The following DMD variants were observed in gnomAD, a reference collection of about 807,000 sequenced individuals.
The protein encoded by DMD is mutant dystrophin.
DMD carries 63 observed loss-of-function variants against 330.1 expected under a neutral mutation model. The ratio of observed to expected loss-of-function variants is 0.19; its 90% CI spans 0.16 to 0.24. The LOEUF (loss-of-function observed/expected upper bound fraction) is 0.24. DMD is among the 10% of genes least tolerant of loss of function. DMD has a pLI of 1.00. For synonymous variants in DMD, 1,223 were observed against 959.8 expected (o/e 1.27, Z -5.07); for missense variants, 3,344 against 2,684.1 (o/e 1.25, Z -5.43).
chrX:32,480,828 G>T (rs939894115), intron 21 of DMD, among the ~76,000 whole-genome samples: 54 of 110,464 alleles, frequency 4.9e-4, no homozygotes, highest in African/African-American at 1.7e-3. Flanking sequence ...GCTCTTGATG[G>T]TATTGATAAA....
chrX:31,445,164 A>G (rs2065190504), intron 59 of DMD, among the ~76,000 whole-genome samples: 2 of 112,190 alleles, frequency 1.8e-5, no homozygotes, highest in South Asian at 7.5e-4. Flanking sequence ...GATAACTACT[A>G]TTTGTTGAGC....
At chrX:32,857,527 T>C (rs1417812842) in intron 2 of DMD, among the ~76,000 whole-genome samples, 3 of 112,074 alleles carry the variant, frequency 2.7e-5, no homozygotes, top group African/African-American at 9.7e-5. Flanking sequence ...ACTTTTAAAC[T>C]CATCAAAAAA....
chrX:32,816,312 T>G (rs911393690), intron 6 of DMD, among the ~76,000 whole-genome samples, 156 bp downstream of exon 6: 3 of 112,303 alleles, frequency 2.7e-5, no homozygotes, highest in Non-Finnish European at 5.6e-5. Context: ...ATATTCTTAA[T>G]TAGTTCATTC....
chrX:32,377,599 G>A (rs2147425163), intron 34 of DMD, among the ~76,000 whole-genome samples: 1 of 111,656 alleles, frequency 9.0e-6, no homozygotes, highest in East Asian at 2.8e-4. Flanking sequence ...GTATAGAAAT[G>A]TGTTCTCAGT....
chrX:32,734,613 C>T (rs1461961392), intron 7 of DMD, among the ~76,000 whole-genome samples: 6 of 105,328 alleles, frequency 5.7e-5, no homozygotes, highest in African/African-American at 1.4e-4. Flanking sequence ...GTTCAATATA[C>T]ACAAATCAAT....
At chrX:32,981,150 A>G (rs1188219712) in intron 2 of DMD, among the ~76,000 whole-genome samples, 1 of 111,962 alleles carries the variant, frequency 8.9e-6, no homozygotes, top group African/African-American at 3.2e-5. Flanking sequence ...ACAAGCAAGG[A>G]GGGTCCAAAG....
intron 2 of DMD, among the ~76,000 whole-genome samples, chrX:32,904,958 A>G (rs961656142): frequency 3.6e-5 from 4 of 112,182 alleles, no homozygotes; most frequent in African/African-American, 1.3e-4. Context: ...AGAAAAATAA[A>G]AGAAAGAGAC....
In DMD at chrX:32,119,014, G is replaced by A. The variant is rs759523105; in HGVS notation, c.6438+97902C>T. 9.9e-5 allele frequency among the ~76,000 whole-genome samples: 11 copies of A among 111,155 alleles called. No homozygotes were observed. The South Asian group carries it at 1.1e-3, about 12-fold the overall frequency. ...AGCTCACCTCCTGATGTGGGGCCCC[G>A]GTTCCTAACAGGTCACTGACCTGTA... is the stretch of plus-strand genomic sequence containing the variant. On this transcript the variant is annotated intron_variant, in intron 44 of 78. Coordinates refer to ENST00000357033, the MANE Select transcript of DMD (RefSeq NM_004006.3).
At chrX:33,226,382 C>T (rs888294390) in intron 1 of DMD, among the ~76,000 whole-genome samples, 2 of 111,776 alleles carry the variant, frequency 1.8e-5, no homozygotes, top group Non-Finnish European at 3.8e-5. Context: ...TACTACTCAG[C>T]AGTACAAAGG....
intron 56 of DMD, among the ~76,000 whole-genome samples, chrX:31,500,593 T>C (rs2070335158): frequency 8.9e-6 from 1 of 112,301 alleles, no homozygotes; most frequent in African/African-American, 3.2e-5. Context: ...TTTTCATGAG[T>C]GTATATACCA....
intron 7 of DMD, among the ~76,000 whole-genome samples, chrX:32,777,282 G>GGGGGGGGGGGGGGGGGGA (rs1368782701): frequency 1.8e-5 from 1 of 54,134 alleles, no homozygotes; most frequent in African/African-American, 6.4e-5. Context: ...CTGGTTGGGG[G>GGGGGGGGGGGGGGGGGGA]GGGAATCCTA....
intron 16 of DMD, among the ~76,000 whole-genome samples, chrX:32,554,230 C>A (rs1297414309): frequency 6.3e-5 from 7 of 111,397 alleles, no homozygotes; most frequent in African/African-American, 2.3e-4. Flanking sequence ...AACTAGCAAA[C>A]CAAGAGCAAA....
At chrX:31,722,583 G>A (rs769465576) in intron 52 of DMD, among the ~76,000 whole-genome samples, 1 of 111,335 alleles carries the variant, frequency 9.0e-6, no homozygotes, top group South Asian at 3.8e-4. Context: ...CTGGTATACT[G>A]AGGGCTGCAT....
At chrX:32,180,188 G>T (rs1045948842) in intron 44 of DMD, among the ~76,000 whole-genome samples, 5 of 111,872 alleles carry the variant, frequency 4.5e-5, no homozygotes, top group African/African-American at 9.8e-5. Context: ...TATAAGAAAA[G>T]ATCCTAGACT....
At chrX:31,875,396 A>T (rs1159235619) in intron 47 of DMD, 23 bp from the exon 48 acceptor site, 1 of 1,147,177 alleles carries the variant, frequency 8.7e-7, no homozygotes, top group Non-Finnish European at 1.2e-6. Flanking sequence ...TACATTTTAA[A>T]AAGGTAAATA....
chrX:31,297,319 C>T (rs1022406152), intron 62 of DMD, among the ~76,000 whole-genome samples: 1 of 110,773 alleles, frequency 9.0e-6, no homozygotes, highest in South Asian at 3.9e-4. Context: ...ATCTGAAGAC[C>T]GCTATTCCCA....
intron 37 of DMD, 49 bp downstream of exon 37, chrX:32,362,739 G>T (rs765333345): frequency 1.0e-5 from 12 of 1,192,085 alleles, no homozygotes; most frequent in African/African-American, 3.5e-5. Flanking sequence ...CGCAACCTTC[G>T]CAAGAGACCA....
At chrX:32,714,308 C>T (rs974065564) in intron 7 of DMD, among the ~76,000 whole-genome samples, 3 of 111,135 alleles carry the variant, frequency 2.7e-5, no homozygotes, top group African/African-American at 9.8e-5. Flanking sequence ...AATTTTTCAT[C>T]TCTCACCCCC....
chrX:32,842,448 G>T (rs2080248481), intron 4 of DMD, among the ~76,000 whole-genome samples: 2 of 112,059 alleles, frequency 1.8e-5, no homozygotes, highest in Non-Finnish European at 1.9e-5. Flanking sequence ...GGAGATTTTA[G>T]ATGCCAATGA....
Sources: gnomAD v4.1 joint callset for allele counts (sites outside exome capture counted in the v4.1 genomes callset) on GRCh38, gnomAD v4.1.1 for gene constraint, MANE v1.5 for transcripts, NCBI Gene and HGNC (gene_info 2026-07-23, HGNC 2026-07-21) for gene names.